ACIN1: variants seen among roughly 807,000 people sequenced by gnomAD.
The protein encoded by ACIN1 is apoptotic chromatin condensation inducer in the nucleus.
In ACIN1, 16 loss-of-function variants were observed where a neutral mutation model predicts 146.6. The ratio of observed to expected loss-of-function variants is 0.11; its 90% CI spans 0.07 to 0.17. The LOEUF is 0.17. Among genes scored for constraint, ACIN1 ranks in the 10% least tolerant of loss-of-function variants. The probability of loss-of-function intolerance (pLI) is 1.00; values close to 1 mark genes in which losing one functional copy is unlikely to be tolerated. For missense variants in ACIN1, 1,357 were observed against 1,609.3 expected, an observed-to-expected ratio of 0.84 and a Z score of 2.68; for synonymous variants, 569 against 582.7, an observed-to-expected ratio of 0.98 and a Z score of 0.34.
rs2047439982 is a variant in ACIN1, at chr14:23,065,967, G to C, written c.2307C>G (p.Val769=). The change falls in exon 10 of 19, where the codon GTC becomes GTG. Residue 769 remains valine (V), a splice_region_variant and synonymous_variant. Transcript: ENST00000605057. ...PKSFKRKISV[V]SATKGVPAGN... ...TCAGGGATTTGGGGCTGGACTTACA[G>C]ACAACGGAGATCTTCCTCTTGAATG... is the stretch of plus-strand genomic sequence containing the variant. The C allele has an allele frequency of 6.2e-7, 1 of 1,613,672 alleles. No individual in the cohort carries two copies. Among genetic ancestry groups the C allele is most frequent in the Non-Finnish European group, 8.5e-7 (1 of 1,179,670 alleles).
At chr14:23,063,264 AAC>A in intron 13 of ACIN1, 170 bp downstream of exon 13, 1 of 1,121,436 alleles carries the variant, frequency 8.9e-7, no homozygotes, top group Non-Finnish European at 1.3e-6. Flanking sequence ...TCAAAGATTA[AAC>A]AGAGTCAAAT....
At chr14:23,086,877 C>T (rs909996139) in intron 4 of ACIN1, among the ~76,000 whole-genome samples, 2 of 152,158 alleles carry the variant, frequency 1.3e-5, no homozygotes, top group Non-Finnish European at 2.9e-5. Flanking sequence ...CACTGAAAAA[C>T]TCTTCCTTCA....
chr14:23,059,625 G>C, intron 18 of ACIN1, 151 bp from the exon 19 acceptor site: 1 of 642,640 alleles, frequency 1.6e-6, no homozygotes, highest in Non-Finnish European at 2.8e-6. Context: ...GTCTTTCTTA[G>C]AGCACCTCTC....
chr14:23,090,059 C>G lies in ACIN1; in HGVS notation c.359G>C (p.Gly120Ala), dbSNP rs934892943. The G allele has an allele frequency of 4.3e-6, 7 of 1,613,768 alleles. No homozygotes were observed. The highest frequency in any genetic ancestry group is 5.9e-6 in the Non-Finnish European group (7 of 1,179,932). ...GTCAGGAGGCAGCAGGGAAGCCACT[C>G]CCTCAGGATGGATCATCTCGTCCTC... ...ESEDEMIHPEGVASLLPPDFQ... is the reference protein window; with the variant it reads ...ESEDEMIHPEAVASLLPPDFQ... The change falls in exon 4 of 19, where the codon GGA (glycine) becomes GCA (alanine). Residue 120 changes from glycine (G) to alanine (A), a missense_variant. Gly to Ala is a moderately conservative substitution (Grantham distance 60, BLOSUM62 0). Coordinates refer to ENST00000605057, the MANE Select transcript of ACIN1 (RefSeq NM_001386863.1).
At position 23,080,768 on chromosome 14, in the gene ACIN1, C is replaced by T; in HGVS notation, c.567G>A (p.Glu189=). 6.2e-7 allele frequency: 1 copy of T among 1,612,264 alleles called. No homozygotes were observed. Among genetic ancestry groups the T allele is most frequent in the Non-Finnish European group, 8.5e-7 (1 of 1,178,732 alleles). Residue 189 remains glutamate (E), a synonymous_variant, in exon 6 of 19, where the codon GAG becomes GAA. Coordinates refer to ENST00000605057, the MANE Select transcript of ACIN1 (RefSeq NM_001386863.1). ...AKLSEGSQPA[E]EEEDQETPSR... ...AAGGTGTTTCTTGATCCTCTTCCTC[C>T]TCAGCAGGTTGGCTGCCCTCAGACA...
rs541972456 is a variant in ACIN1, at chr14:23,066,733, C to T, written c.2266-725G>A. ...TCCCCAAGGAGATCCTTAGACTTTC[C>T]AGCCACCGCAGGGAGCTCCAGCAGA... is the stretch of plus-strand genomic sequence containing the variant. On this transcript the variant is annotated intron_variant, in intron 9 of 18. Coordinates refer to ENST00000605057, the MANE Select transcript of ACIN1 (RefSeq NM_001386863.1). 7.9e-5 allele frequency among the ~76,000 whole-genome samples: 12 copies of T among 152,280 alleles called. No individual in the cohort carries two copies. The South Asian group carries it at 2.5e-3, about 32-fold the overall frequency.
chr14:23,071,883 G>A (rs2047667758), intron 8 of ACIN1, among the ~76,000 whole-genome samples: 2 of 152,224 alleles, frequency 1.3e-5, no homozygotes. Flanking sequence ...AAACAGTAGA[G>A]GTGGGAGTGA....
At chr14:23,093,925 G>C (rs1182753850) in intron 1 of ACIN1, among the ~76,000 whole-genome samples, 1 of 152,066 alleles carries the variant, frequency 6.6e-6, no homozygotes, top group African/African-American at 2.4e-5. Context: ...CCAGCCATGG[G>C]GCTCCTGGTT....
intron 4 of ACIN1, among the ~76,000 whole-genome samples, chr14:23,086,847 A>C (rs1335552442): frequency 1.3e-5 from 2 of 152,178 alleles, no homozygotes; most frequent in African/African-American, 4.8e-5. Flanking sequence ...ATATAAACCA[A>C]AGATCTTGAT....
rs747344878 is a variant in ACIN1 at position 23,079,964 on chromosome 14, C to G, written c.1371G>C (p.Gln457His). ...TGTCTGACTCAGGTTCAAGATCCTT[C>G]TGGGCTGAGTAGTCAGCCAGTGTGC... ...QKSTLADYSA[Q>H]KDLEPESDRS... Residue 457 changes from glutamine (Q) to histidine (H), a missense_variant, in exon 6 of 19, where the codon CAG (glutamine) becomes CAC (histidine). Coordinates refer to ENST00000605057, the MANE Select transcript of ACIN1 (RefSeq NM_001386863.1). The G allele has an allele frequency of 1.2e-5, 20 of 1,614,144 alleles. No homozygotes were observed. In the South Asian group the frequency reaches 2.1e-4, roughly 17 times the overall value.
Position 23,059,031 on chromosome 14 carries a change from G to A in ACIN1, c.*117C>T, listed in dbSNP as rs2047181671. 2 of 929,522 alleles carry A rather than the reference G, an allele frequency of 2.2e-6. No individual in the cohort carries two copies. The highest frequency in any genetic ancestry group is 1.6e-5 in the African/African-American group (1 of 60,682). 57.6% of individuals were successfully genotyped at this position (929,522 alleles called of 1,614,324 possible). On this transcript the variant is annotated 3_prime_UTR_variant, in exon 19 of 19. Coordinates refer to ENST00000605057, the MANE Select transcript of ACIN1 (RefSeq NM_001386863.1). ...ACTTTTCCATTTGGTATGTATGTAG[G>A]GATAGGTGATGTGAAAGACCCTTGG...
At chr14:23,066,487 A>ATT (rs1198697627) in intron 9 of ACIN1, 5 of 155,536 alleles carry the variant, frequency 3.2e-5, no homozygotes, top group Non-Finnish European at 7.1e-5. Flanking sequence ...CAACTTCAAC[A>ATT]AGGTAACCCT....
intron 4 of ACIN1, among the ~76,000 whole-genome samples, 177 bp downstream of exon 4, chr14:23,089,805 G>A (rs75208517): frequency 5.7e-4 from 87 of 152,270 alleles, no homozygotes; most frequent in African/African-American, 2.0e-3. Flanking sequence ...ACAATATATA[G>A]GTGAAAGCAG....
intron 4 of ACIN1, among the ~76,000 whole-genome samples, chr14:23,087,022 T>C (rs1407908288): frequency 7.1e-6 from 1 of 141,308 alleles, no homozygotes; most frequent in East Asian, 2.2e-4. Context: ...CATAGTAATA[T>C]TAAAACAAAT....
chr14:23,069,535 C>A lies in ACIN1; in HGVS notation c.2206G>T (p.Asp736Tyr). 1 of 1,613,760 alleles carries A rather than the reference C, an allele frequency of 6.2e-7. No individual in the cohort carries two copies. Among genetic ancestry groups the A allele is most frequent in the Non-Finnish European group, 8.5e-7 (1 of 1,179,944 alleles). The change falls in exon 9 of 19, where the codon GAC becomes TAC. Residue 736 changes from aspartate to tyrosine, a missense_variant. Around this residue, in one of 4 missense-constraint regions of ACIN1, gnomAD observed 771 missense variants for 746.6 expected, o/e 1.03. Coordinates refer to ENST00000605057, the MANE Select transcript of ACIN1 (RefSeq NM_001386863.1). ...GGGCGGTCATCATTGCTGACTTGGT[C>A]TGCAATAGGCATGGGAGGTTCTGGA... ...DVPEPPMPIA[D>Y]QVSNDDRPEG...
chr14:23,095,306 C>T (rs2048349223), upstream of ACIN1: 1 of 1,582,206 alleles, frequency 6.3e-7, no homozygotes, highest in Admixed American at 1.7e-5. Context: ...TCAATTCTTT[C>T]CATCCGCCCT....
At chr14:23,066,149 GAGAC>G (rs752808426) in intron 9 of ACIN1, 141 bp from the exon 10 acceptor site, 8 of 625,300 alleles carry the variant, frequency 1.3e-5, no homozygotes, top group South Asian at 6.3e-5. Context: ...GAGAGACACA[GAGAC>G]AGACAGAGAC....
At chr14:23,091,387 T>C (rs2048222491) in intron 2 of ACIN1, among the ~76,000 whole-genome samples, 1 of 151,888 alleles carries the variant, frequency 6.6e-6, no homozygotes, top group Admixed American at 6.6e-5. Context: ...CTGCTTGAGC[T>C]CAGGAGTTCA....
chr14:23,071,594 G>A lies in ACIN1; in HGVS notation c.2124-1977C>T, dbSNP rs1427819432. On this transcript the variant is annotated intron_variant, in intron 8 of 18. Transcript: ENST00000605057. ...CAGCAGCCTGTGTGTGCGGATGGGG[G>A]AGGGCCTTGCTGCAGCAGGGGAGGG... The A allele has an allele frequency of 3.9e-6, 6 of 1,533,540 alleles. No homozygotes were observed. In the East Asian group the frequency reaches 9.9e-5, roughly 25 times the overall value. 95.0% of individuals were successfully genotyped at this position (1,533,540 alleles called of 1,614,324 possible). A position where few individuals can be genotyped will look rare whatever the true frequency, so the allele number is the denominator to read the frequency against.
Sources: allele counts gnomAD v4.1 joint callset (sites outside exome capture counted in the v4.1 genomes callset), GRCh38; gene constraint gnomAD v4.1.1; regional missense constraint gnomAD v4.1.1; transcripts MANE v1.5; gene names NCBI Gene and HGNC (gene_info 2026-07-23, HGNC 2026-07-21).